The following PTPRR variants were observed in gnomAD, a reference collection of about 807,000 sequenced individuals.
PTPRR encodes the protein protein tyrosine phosphatase receptor type R, also known as receptor-type tyrosine-protein phosphatase R.
Under a neutral mutation model 77.2 loss-of-function variants are expected in PTPRR, and 38 were observed. The ratio of observed to expected loss-of-function variants is 0.49; its 90% CI spans 0.38 to 0.65. The LOEUF is 0.65. PTPRR is among the 30% of genes least tolerant of loss of function. The pLI is 0.00. For missense variants in PTPRR, 744 were observed against 799.2 expected, an observed-to-expected ratio of 0.93 and a Z score of 0.83; for synonymous variants, 299 against 283.1, an observed-to-expected ratio of 1.06 and a Z score of -0.57.
intron 6 of PTPRR, among the ~76,000 whole-genome samples, chr12:70,730,150 G>A (rs138456507): frequency 1.9e-4 from 29 of 152,052 alleles, no homozygotes; most frequent in African/African-American, 6.0e-4. Flanking sequence ...CCCAAGCCTC[G>A]ATTTTTACTT....
chr12:70,660,966 G>A lies in PTPRR; in HGVS notation c.1740C>T (p.Gly580=), dbSNP rs1886777521. 8 of 1,613,786 alleles carry A rather than the reference G, an allele frequency of 5.0e-6. No homozygotes were observed. In the East Asian group the frequency reaches 1.8e-4, roughly 36 times the overall value. Residue 580 remains glycine (G), a synonymous_variant, in exon 12 of 14, where the codon GGC becomes GGT. Coordinates refer to ENST00000283228, the MANE Select transcript of PTPRR (RefSeq NM_002849.4). The stretch of plus-strand genomic sequence containing the variant: ...TGCAGTGGACAACCACAGGCCCTCG[G>A]CCCTGGGAAGCAAGTCTGTCTTCTT... ...DVEEDRLASQ[G]RGPVVVHCSA... is the part of the protein sequence containing the mutation.
chr12:70,723,450 A>C (rs887610399), intron 6 of PTPRR, among the ~76,000 whole-genome samples: 4 of 152,162 alleles, frequency 2.6e-5, no homozygotes, highest in Non-Finnish European at 5.9e-5. Context: ...TTTATGTTAG[A>C]GGTCATAAAT....
In PTPRR at chr12:70,864,299, G is replaced by C. The variant is rs897401500; in HGVS notation, c.357+28380C>G. On this transcript the variant is annotated intron_variant, in intron 2 of 13. Coordinates refer to ENST00000283228, the MANE Select transcript of PTPRR (RefSeq NM_002849.4). ...TCTGAAATGCTAAGCTTATTTCTTG[G>C]GAATGCTCTTTGCAACAGGCCATGC... 2.0e-5 allele frequency among the ~76,000 whole-genome samples: 3 copies of C among 152,194 alleles called. No individual in the cohort carries two copies. The East Asian group carries it at 5.8e-4, about 29-fold the overall frequency.
intron 2 of PTPRR, among the ~76,000 whole-genome samples, chr12:70,853,177 T>C (rs1014610373): frequency 2.6e-5 from 4 of 152,322 alleles, no homozygotes; most frequent in Middle Eastern, 3.4e-3. Flanking sequence ...CTCTGTGCAA[T>C]TACTGTGCTA....
intron 13 of PTPRR, among the ~76,000 whole-genome samples, chr12:70,642,559 A>G (rs1886045687): frequency 6.6e-6 from 1 of 152,166 alleles, no homozygotes; most frequent in African/African-American, 2.4e-5. Flanking sequence ...ATCTAATCCC[A>G]TTCTATAATT....
chr12:70,687,417 G>A (rs1887912681), intron 8 of PTPRR, among the ~76,000 whole-genome samples: 1 of 57,150 alleles, frequency 1.7e-5, no homozygotes, highest in Non-Finnish European at 4.9e-5. Context: ...TTTGGCAGGA[G>A]AAAGTCCCAT....
At chr12:70,808,988 G>T (rs2137028558) in intron 2 of PTPRR, among the ~76,000 whole-genome samples, 1 of 152,230 alleles carries the variant, frequency 6.6e-6, no homozygotes, top group Admixed American at 6.5e-5. Context: ...TGTGGAGATA[G>T]TATAGGGAGA....
intron 13 of PTPRR, among the ~76,000 whole-genome samples, chr12:70,650,153 T>C (rs893400660): frequency 6.6e-6 from 1 of 152,116 alleles, no homozygotes; most frequent in African/African-American, 2.4e-5. Context: ...CGAAGAAATA[T>C]AGTGTAGGGC....
chr12:70,642,796 A>G (rs1198346009), intron 13 of PTPRR, among the ~76,000 whole-genome samples: 6 of 152,156 alleles, frequency 3.9e-5, no homozygotes, highest in Admixed American at 3.9e-4. Flanking sequence ...AAATTCAGGA[A>G]CTCATCATAA....
At chr12:70,863,962 T>C (rs1474837943) in intron 2 of PTPRR, among the ~76,000 whole-genome samples, 1 of 152,148 alleles carries the variant, frequency 6.6e-6, no homozygotes, top group East Asian at 1.9e-4. Flanking sequence ...TAAGGCAATG[T>C]TCCAGGCAAG....
chr12:70,668,858 G>A (rs944803327), intron 10 of PTPRR, among the ~76,000 whole-genome samples: 4 of 152,132 alleles, frequency 2.6e-5, no homozygotes, highest in African/African-American at 9.7e-5. Flanking sequence ...GCTGTGCTCA[G>A]TTGCTTAGTC....
At chr12:70,845,231 A>G (rs1051684771) in intron 2 of PTPRR, among the ~76,000 whole-genome samples, 1 of 151,910 alleles carries the variant, frequency 6.6e-6, no homozygotes, top group Admixed American at 6.6e-5. Flanking sequence ...AAAGAAGCTT[A>G]TAGGTGTGCA....
At chr12:70,792,253 T>C (rs1276361771) in intron 2 of PTPRR, among the ~76,000 whole-genome samples, 1 of 152,196 alleles carries the variant, frequency 6.6e-6, no homozygotes, top group African/African-American at 2.4e-5. Context: ...ACTCAATAAA[T>C]GTTACCATAA....
At chr12:70,672,386 G>C (rs1887264903) in intron 10 of PTPRR, 8 of 1,270,126 alleles carry the variant, frequency 6.3e-6, no homozygotes, top group Non-Finnish European at 9.2e-6. Flanking sequence ...CCAGGAGGTA[G>C]ACTGGGAAGT....
chr12:70,808,456 C>T (rs1891750345), intron 2 of PTPRR, among the ~76,000 whole-genome samples: 1 of 152,084 alleles, frequency 6.6e-6, no homozygotes, highest in Non-Finnish European at 1.5e-5. Flanking sequence ...TTTTACAGCT[C>T]AGGGGGCATC....
At position 70,684,264 on chromosome 12, in the gene PTPRR, C is replaced by T. The variant is rs938225399; in HGVS notation, c.1360G>A (p.Gly454Ser). The T allele has an allele frequency of 1.2e-6, 2 of 1,606,354 alleles. No homozygotes were observed. The highest frequency in any genetic ancestry group is 3.4e-5 in the Admixed American group (2 of 58,514). Residue 454 changes from glycine (G) to serine (S), a missense_variant and splice_region_variant, in exon 10 of 14, where the codon GGC becomes AGC. By Grantham distance (56) the Gly-to-Ser change is moderately conservative. This residue lies in a region of PTPRR where 570 missense variants were observed against 573.2 expected (regional missense o/e 0.99). Coordinates refer to ENST00000283228, the MANE Select transcript of PTPRR (RefSeq NM_002849.4). ...AAGGCTTTCTCCTTGCCACTGTAGCCCTAGATGGAGTAAAGAAACAAAAAT... is the reference window on the plus strand; with the variant it reads ...AAGGCTTTCTCCTTGCCACTGTAGCTCTAGATGGAGTAAAGAAACAAAAAT... ...STYINANYIR[G>S]YSGKEKAFIA...
intron 2 of PTPRR, among the ~76,000 whole-genome samples, chr12:70,883,332 G>A (rs953226392): frequency 6.6e-6 from 1 of 152,058 alleles, no homozygotes; most frequent in Non-Finnish European, 1.5e-5. Context: ...GAAACAGCAA[G>A]GATTTGAGCC....
At chr12:70,797,568 A>G (rs1277394059) in intron 2 of PTPRR, among the ~76,000 whole-genome samples, 2 of 152,124 alleles carry the variant, frequency 1.3e-5, no homozygotes, top group Non-Finnish European at 2.9e-5. Context: ...TCTGCTCTTC[A>G]ATCACTCTCA....
chr12:70,817,558 C>T (rs549653383), intron 2 of PTPRR, among the ~76,000 whole-genome samples: 12 of 152,286 alleles, frequency 7.9e-5, no homozygotes, highest in Middle Eastern at 3.4e-3. Context: ...GTTGAATGAT[C>T]TGCTCAAGAG....
Sources: allele counts gnomAD v4.1 joint callset (sites outside exome capture counted in the v4.1 genomes callset), GRCh38; gene constraint gnomAD v4.1.1; regional missense constraint gnomAD v4.1.1; transcripts MANE v1.5; gene names NCBI Gene and HGNC (gene_info 2026-07-23, HGNC 2026-07-21).